The following VPS41 variants were observed in gnomAD, a reference collection of about 807,000 sequenced individuals.
VPS41 encodes vacuolar protein sorting-associated protein 41 homolog.
Under a neutral mutation model 130.9 loss-of-function variants are expected in VPS41, and 85 were observed. That is an observed-to-expected ratio of 0.65 (90% CI 0.55 to 0.78). The LOEUF (loss-of-function observed/expected upper bound fraction) is 0.78. Ranked by LOEUF, VPS41 falls within the 30% of genes least tolerant of loss-of-function variation. The pLI is 0.00. For missense variants in VPS41, 874 were observed against 1,018.7 expected (o/e 0.86, Z 1.93); for synonymous variants, 335 against 332.9 (o/e 1.01, Z -0.07).
At chr7:38,790,810 T>G (rs1784521796) in intron 9 of VPS41, among the ~76,000 whole-genome samples, 1 of 152,234 alleles carries the variant, frequency 6.6e-6, no homozygotes, top group African/African-American at 2.4e-5. Context: ...GTACTATACT[T>G]AATCAACCCC....
At chr7:38,821,069 C>T in intron 6 of VPS41, 134 bp downstream of exon 6, 1 of 659,746 alleles carries the variant, frequency 1.5e-6, no homozygotes. Flanking sequence ...TAAATAGTAT[C>T]CAGTACATCT....
intron 22 of VPS41, among the ~76,000 whole-genome samples, chr7:38,746,743 C>T (rs543045138): frequency 6.6e-6 from 1 of 152,270 alleles, no homozygotes; most frequent in East Asian, 1.9e-4. Flanking sequence ...AGAATCTCTA[C>T]CACGACTTAC....
At chr7:38,882,897 A>G (rs1248714043) in intron 2 of VPS41, among the ~76,000 whole-genome samples, 2 of 152,194 alleles carry the variant, frequency 1.3e-5, no homozygotes, top group Non-Finnish European at 2.9e-5. Context: ...CAGCATCCAG[A>G]GTGATCCTAC....
At chr7:38,905,799 T>C (rs1180756774) in intron 1 of VPS41, among the ~76,000 whole-genome samples, 1 of 152,108 alleles carries the variant, frequency 6.6e-6, no homozygotes, top group Non-Finnish European at 1.5e-5. Context: ...TTTGTTGTTG[T>C]TGTTTGTTTT....
chr7:38,726,985 G>A lies in VPS41; in HGVS notation c.2408C>T (p.Ala803Val). The A allele has an allele frequency of 6.4e-7, 1 of 1,564,130 alleles. No homozygotes were observed. Among genetic ancestry groups the A allele is most frequent in the Non-Finnish European group, 8.7e-7 (1 of 1,153,986 alleles). ...SCLSPILPSD[A>V]AKPFSVVVFH... is the part of the protein sequence containing the mutation. ...GACCACCACGCTGAAGGGCTTAGCT[G>A]CATCTGGCGAGGAGGGCAGAGAAAG... Residue 803 changes from alanine to valine, a missense_variant, in exon 28 of 29, where the codon GCA becomes GTA. Physicochemically the swap from Ala to Val is moderately conservative, Grantham distance 64 (BLOSUM62 0). Coordinates refer to ENST00000310301, the MANE Select transcript of VPS41 (RefSeq NM_014396.4).
Position 38,726,162 on chromosome 7 carries a change from G to T in VPS41, c.*84C>A. 1 of 878,582 alleles carries T rather than the reference G, an allele frequency of 1.1e-6. No individual in the cohort carries two copies. 54.4% of individuals were successfully genotyped at this position (878,582 alleles called of 1,614,324 possible). ...ATAAACATAAACAAATCTCTTAACAGCACGAGTGTCAACAAATGCTTTTGT... is the reference window on the plus strand; with the variant it reads ...ATAAACATAAACAAATCTCTTAACATCACGAGTGTCAACAAATGCTTTTGT... On this transcript the variant is annotated 3_prime_UTR_variant, in exon 29 of 29. Transcript: ENST00000310301.
chr7:38,777,532 T>C (rs1784281981), intron 10 of VPS41, among the ~76,000 whole-genome samples: 3 of 152,214 alleles, frequency 2.0e-5, no homozygotes, highest in South Asian at 2.1e-4. Flanking sequence ...TAAAAGATCA[T>C]TGTTTTAAGA....
At chr7:38,784,752 T>C (rs1784409527) in intron 10 of VPS41, among the ~76,000 whole-genome samples, 1 of 152,202 alleles carries the variant, frequency 6.6e-6, no homozygotes, top group Admixed American at 6.5e-5. Context: ...GAGGGCTCTC[T>C]GGTGATTCTG....
chr7:38,849,489 G>C (rs1785802026), intron 4 of VPS41, among the ~76,000 whole-genome samples: 1 of 152,192 alleles, frequency 6.6e-6, no homozygotes, highest in Non-Finnish European at 1.5e-5. Context: ...GTAGCTCTCA[G>C]CAGATGGGGG....
chr7:38,746,408 T>A (rs1255316995), intron 22 of VPS41, among the ~76,000 whole-genome samples: 1 of 151,938 alleles, frequency 6.6e-6, no homozygotes, highest in African/African-American at 2.4e-5. Context: ...TTAGTGATGA[T>A]TATAGGTAAG....
At chr7:38,861,093 A>G (rs1327123656) in intron 4 of VPS41, among the ~76,000 whole-genome samples, 1 of 152,214 alleles carries the variant, frequency 6.6e-6, no homozygotes, top group Non-Finnish European at 1.5e-5. Flanking sequence ...GATGTAGGAT[A>G]TACTCGACAT....
chr7:38,779,256 A>G (rs1448346988), intron 10 of VPS41, among the ~76,000 whole-genome samples: 1 of 152,364 alleles, frequency 6.6e-6, no homozygotes, highest in East Asian at 1.9e-4. Flanking sequence ...ACATGAAAAT[A>G]ATATTGTCAA....
At chr7:38,734,568 TTCA>T (rs1233527002) in intron 25 of VPS41, among the ~76,000 whole-genome samples, 1 of 152,170 alleles carries the variant, frequency 6.6e-6, no homozygotes, top group Non-Finnish European at 1.5e-5. Context: ...TTCTCTGCAG[TTCA>T]TCATCATTGA....
At chr7:38,814,511 A>G (rs987900007) in intron 7 of VPS41, among the ~76,000 whole-genome samples, 1 of 152,050 alleles carries the variant, frequency 6.6e-6, no homozygotes, top group Non-Finnish European at 1.5e-5. Flanking sequence ...TTAGCCAGGC[A>G]TGGTGGCAGG....
chr7:38,869,888 C>T (rs1199902583), intron 2 of VPS41, among the ~76,000 whole-genome samples: 1 of 152,138 alleles, frequency 6.6e-6, no homozygotes, highest in East Asian at 1.9e-4. Flanking sequence ...AGCTTGAGGA[C>T]ATCAGTGCTC....
chr7:38,857,471 A>G lies in VPS41; in HGVS notation c.246+5074T>C, dbSNP rs76100167. ...CACTAGCACACTTAAAGGAATAAAT[A>G]TTTAAAACACATGGCATAATGCTCC... is the stretch of plus-strand genomic sequence containing the variant. On this transcript the variant is annotated intron_variant, in intron 4 of 28. Coordinates refer to ENST00000310301, the MANE Select transcript of VPS41 (RefSeq NM_014396.4). Among the ~76,000 whole-genome samples, 25 of 152,368 alleles carry G rather than the reference A, an allele frequency of 1.6e-4. No individual in the cohort carries two copies. In the East Asian group the frequency reaches 4.8e-3, roughly 29 times the overall value.
chr7:38,830,518 G>C (rs1785366648), intron 4 of VPS41, among the ~76,000 whole-genome samples, 190 bp from the exon 5 acceptor site: 1 of 152,182 alleles, frequency 6.6e-6, no homozygotes, highest in African/African-American at 2.4e-5. Flanking sequence ...TACAACATGA[G>C]CTTGCAGAGT....
chr7:38,804,716 T>C (rs996627506), intron 7 of VPS41, among the ~76,000 whole-genome samples: 2 of 152,264 alleles, frequency 1.3e-5, no homozygotes, highest in Non-Finnish European at 2.9e-5. Flanking sequence ...AGTATCTACC[T>C]ACACACCTAT....
At position 38,821,712 on chromosome 7, in the gene VPS41, AAAAAAAAAAG is replaced by A. The variant is rs1388859717; in HGVS notation, c.322-457_322-448del. 5.3e-5 allele frequency among the ~76,000 whole-genome samples: 8 copies of A among 151,186 alleles called. No individual in the cohort carries two copies. In the South Asian group the frequency reaches 1.5e-3, roughly 28 times the overall value. The stretch of plus-strand genomic sequence containing the variant: ...ACAGAGTGAGACTCCGTCTCAAAAA[AAAAAAAAAAG>A]AAAAAGAAAAAGAAAAAAGAAAAAA... On this transcript the variant is annotated intron_variant, in intron 5 of 28. Coordinates refer to ENST00000310301, the MANE Select transcript of VPS41 (RefSeq NM_014396.4).
Sources: gnomAD v4.1 joint callset for allele counts (sites outside exome capture counted in the v4.1 genomes callset) on GRCh38, gnomAD v4.1.1 for gene constraint, MANE v1.5 for transcripts, NCBI Gene and HGNC (gene_info 2026-07-23, HGNC 2026-07-21) for gene names.